Variants in XIRP2 observed in about 807,000 individuals in gnomAD.
XIRP2 encodes the protein xin actin-binding repeat-containing protein 2.
A neutral mutation model predicts 277.0 loss-of-function variants in XIRP2; 236 were observed. The ratio of observed to expected loss-of-function variants is 0.85; its 90% CI spans 0.77 to 0.95. XIRP2 has a LOEUF of 0.95. Among genes scored for constraint, XIRP2 ranks in the 40% least tolerant of loss-of-function variants. The pLI is 0.00. For missense variants in XIRP2, 4,640 were observed against 4,157.5 expected (o/e 1.12, Z -3.19); for synonymous variants, 1,490 against 1,416.5 (o/e 1.05, Z -1.17).
At chr2:167,208,457 G>A (rs1444267353) in intron 3 of XIRP2, among the ~76,000 whole-genome samples, 1 of 152,040 alleles carries the variant, frequency 6.6e-6, no homozygotes, top group African/African-American at 2.4e-5. Flanking sequence ...ACAGGCGCCC[G>A]CCACCATGCC....
intron 10 of XIRP2, among the ~76,000 whole-genome samples, chr2:167,255,055 T>G (rs1695620036): frequency 6.6e-6 from 1 of 151,810 alleles, no homozygotes; most frequent in Admixed American, 6.6e-5. Context: ...CCCTACTCTT[T>G]GTGTGCTCCT....
chr2:167,022,521 C>A (rs1360298683), intron 2 of XIRP2, among the ~76,000 whole-genome samples: 2 of 152,014 alleles, frequency 1.3e-5, no homozygotes, highest in Non-Finnish European at 2.9e-5. Context: ...CCTATGTATA[C>A]ATGTGCCATG....
chr2:167,009,815 G>T (rs967438281), intron 2 of XIRP2, among the ~76,000 whole-genome samples: 23 of 152,290 alleles, frequency 1.5e-4, no homozygotes, highest in Admixed American at 9.8e-4. Context: ...CTGATAGCCA[G>T]TGACGGTGAG....
chr2:167,170,610 C>A (rs539988765), intron 3 of XIRP2, among the ~76,000 whole-genome samples: 1 of 152,232 alleles, frequency 6.6e-6, no homozygotes, highest in South Asian at 2.1e-4. Flanking sequence ...TATCAATGCT[C>A]TCTTATTTTT....
At chr2:166,930,653 T>G (rs1204226468) in intron 2 of XIRP2, among the ~76,000 whole-genome samples, 1 of 152,224 alleles carries the variant, frequency 6.6e-6, no homozygotes, top group Non-Finnish European at 1.5e-5. Context: ...TGATTGACAC[T>G]AATATAATTA....
chr2:166,940,328 A>G (rs1056634756), intron 2 of XIRP2, among the ~76,000 whole-genome samples: 2 of 152,110 alleles, frequency 1.3e-5, no homozygotes, highest in African/African-American at 4.8e-5. Context: ...TTCACTGGTT[A>G]TTCTAGTTAG....
rs766769044 is a variant in XIRP2, at chr2:167,247,492, C to G, written c.6100C>G (p.Gln2034Glu). The G allele has an allele frequency of 6.2e-7, 1 of 1,613,686 alleles. No homozygotes were observed. The highest frequency in any genetic ancestry group is 1.3e-5 in the African/African-American group (1 of 74,988). Reference sequence around the variant, plus strand: ...TGTAAAGATTGTCATAGATCGTGAACAAAACAATGATGCTCTGGAGAAAAG... The same window carrying G: ...TGTAAAGATTGTCATAGATCGTGAAGAAAACAATGATGCTCTGGAGAAAAG... ...GTVKIVIDREQNNDALEKSLR... is the reference protein window; with the variant it reads ...GTVKIVIDREENNDALEKSLR... Residue 2034 changes from glutamine to glutamate, a missense_variant, in exon 9 of 11, where the codon CAA (glutamine) becomes GAA (glutamate). Transcript: ENST00000409195.
intron 2 of XIRP2, among the ~76,000 whole-genome samples, chr2:166,922,776 CA>C (rs1240940942): frequency 6.6e-6 from 1 of 150,656 alleles, no homozygotes; most frequent in African/African-American, 2.4e-5. Context: ...AAAAAGTAAG[CA>C]AACTAGAAAT....
At chr2:167,132,025 C>G (rs936408507) in intron 2 of XIRP2, among the ~76,000 whole-genome samples, 1 of 152,136 alleles carries the variant, frequency 6.6e-6, no homozygotes, top group African/African-American at 2.4e-5. Context: ...CCCCTCCTCT[C>G]TCTATCCTTC....
At chr2:167,159,156 C>A (rs944451462) in intron 3 of XIRP2, among the ~76,000 whole-genome samples, 2 of 152,106 alleles carry the variant, frequency 1.3e-5, no homozygotes, top group African/African-American at 4.8e-5. Context: ...GGGGAGGAAC[C>A]ATGGAGAGAT....
intron 3 of XIRP2, among the ~76,000 whole-genome samples, chr2:167,159,536 T>C (rs180978186): frequency 6.6e-6 from 1 of 152,322 alleles, no homozygotes; most frequent in East Asian, 1.9e-4. Flanking sequence ...TCTCTTATTG[T>C]GAGGCATAAA....
chr2:167,070,930 G>A (rs1446282459), intron 2 of XIRP2, among the ~76,000 whole-genome samples: 1 of 152,024 alleles, frequency 6.6e-6, no homozygotes, highest in Non-Finnish European at 1.5e-5. Flanking sequence ...TTTATACTAA[G>A]CATTTGTCCA....
At chr2:167,184,886 G>C (rs1209643949) in intron 3 of XIRP2, among the ~76,000 whole-genome samples, 3 of 152,088 alleles carry the variant, frequency 2.0e-5, no homozygotes, top group Non-Finnish European at 4.4e-5. Flanking sequence ...ATTAGATAGG[G>C]AGTAAAATTT....
chr2:167,082,280 CT>C (rs1689760687), intron 2 of XIRP2, among the ~76,000 whole-genome samples: 1 of 152,098 alleles, frequency 6.6e-6, no homozygotes, highest in African/African-American at 2.4e-5. Context: ...TGAACTCATC[CT>C]TTTTTATGGC....
At chr2:167,169,032 T>C (rs1210478648) in intron 3 of XIRP2, among the ~76,000 whole-genome samples, 3 of 152,276 alleles carry the variant, frequency 2.0e-5, no homozygotes, top group African/African-American at 4.8e-5. Flanking sequence ...TTATATTGTT[T>C]GCGTTTTATT....
chr2:167,009,383 AG>A (rs1687600579), intron 2 of XIRP2, among the ~76,000 whole-genome samples: 1 of 151,918 alleles, frequency 6.6e-6, no homozygotes, highest in African/African-American at 2.4e-5. Flanking sequence ...GTCCCTACAA[AG>A]GACATGAACT....
At chr2:167,088,692 T>C (rs1236479440) in intron 2 of XIRP2, among the ~76,000 whole-genome samples, 1 of 152,148 alleles carries the variant, frequency 6.6e-6, no homozygotes, top group Non-Finnish European at 1.5e-5. Flanking sequence ...ATACTGGCCT[T>C]CCTCAATTCC....
At chr2:166,912,826 T>A (rs934717635) in intron 2 of XIRP2, among the ~76,000 whole-genome samples, 3 of 152,166 alleles carry the variant, frequency 2.0e-5, no homozygotes, top group African/African-American at 2.4e-5. Context: ...CTTCTAACAG[T>A]CAGGACTCTC....
In XIRP2 at chr2:167,251,587, G is replaced by A; in HGVS notation, c.10195G>A (p.Glu3399Lys). The change falls in exon 9 of 11, where the codon GAA (glutamate) becomes AAA (lysine). Residue 3399 changes from glutamate to lysine, a missense_variant. Glu to Lys is a moderately conservative substitution (Grantham distance 56, BLOSUM62 1). Transcript: ENST00000409195. Reference protein sequence around the residue: ...FSCKHPRELREKIPVKQPRIC... With the variant: ...FSCKHPRELRKKIPVKQPRIC... ...TTGCAAACATCCTAGAGAACTGCGA[G>A]AAAAGATTCCTGTTAAGCAGCCCAG... 6.2e-7 allele frequency: 1 copy of A among 1,613,550 alleles called. No individual in the cohort carries two copies. The highest frequency in any genetic ancestry group is 1.7e-5 in the Admixed American group (1 of 59,956).
Sources: allele counts gnomAD v4.1 joint callset (sites outside exome capture counted in the v4.1 genomes callset), GRCh38; gene constraint gnomAD v4.1.1; transcripts MANE v1.5; gene names NCBI Gene and HGNC (gene_info 2026-07-23, HGNC 2026-07-21).